ZNF503: variants seen among roughly 807,000 people sequenced by gnomAD.
ZNF503 encodes zinc finger protein 503.
ZNF503 carries 15 observed loss-of-function variants against 34.4 expected under a neutral mutation model. The ratio of observed to expected loss-of-function variants is 0.44; its 90% CI spans 0.29 to 0.67. ZNF503 has a LOEUF of 0.67. Among genes scored for constraint, ZNF503 ranks in the 30% least tolerant of loss-of-function variants. The pLI, the probability that ZNF503 is intolerant of heterozygous loss-of-function variation, is 0.13. For missense variants in ZNF503, 1,007 were observed against 926.8 expected (o/e 1.09, Z -1.12); for synonymous variants, 580 against 456.8 (o/e 1.27, Z -3.44).
the ZNF503 span, among the ~76,000 whole-genome samples, chr10:75,328,365 A>T: frequency 0.011 from 1,700 of 152,276 alleles, 34 homozygotes; most frequent in African/African-American, 0.039. Flanking sequence ...TTCCCCAGTG[A>T]GTGTTCTTGG....
the ZNF503 span, among the ~76,000 whole-genome samples, chr10:75,366,463 G>T: frequency 6.6e-6 from 1 of 152,206 alleles, no homozygotes; most frequent in African/African-American, 2.4e-5. Context: ...CTACCAAAAG[G>T]TAGGCGACCT....
At chr10:75,392,475 A>G in the ZNF503 span, among the ~76,000 whole-genome samples, 1 of 152,150 alleles carries the variant, frequency 6.6e-6, no homozygotes, top group Non-Finnish European at 1.5e-5. Flanking sequence ...GGCTTCCTGG[A>G]AGAGGAGATT....
the ZNF503 span, among the ~76,000 whole-genome samples, chr10:75,282,471 T>C: frequency 1.3e-5 from 2 of 152,212 alleles, no homozygotes; most frequent in Non-Finnish European, 2.9e-5. Context: ...TCTCAGTTCT[T>C]GAAGTCATCA....
At chr10:75,384,961 G>A in the ZNF503 span, among the ~76,000 whole-genome samples, 9 of 152,178 alleles carry the variant, frequency 5.9e-5, no homozygotes, top group Non-Finnish European at 1.3e-4. Context: ...ACACCTTTCT[G>A]TCCTTGGTGC....
At chr10:75,397,522 TCC>T, downstream of ZNF503, among the ~76,000 whole-genome samples, 1 of 152,106 alleles carries the variant, frequency 6.6e-6, no homozygotes, top group East Asian at 1.9e-4. Context: ...AAAAACCCTG[TCC>T]CCCGCCCCAC....
chr10:75,355,965 T>C, the ZNF503 span, among the ~76,000 whole-genome samples: 2 of 152,212 alleles, frequency 1.3e-5, no homozygotes, highest in Non-Finnish European at 2.9e-5. Context: ...TAGATGGGAC[T>C]CTGGGCCAGA....
chr10:75,343,831 A>G, the ZNF503 span, among the ~76,000 whole-genome samples: 1 of 152,170 alleles, frequency 6.6e-6, no homozygotes, highest in African/African-American at 2.4e-5. Context: ...TGAGCCCTGA[A>G]AGAAAACCCA....
At chr10:75,308,923 C>T in the ZNF503 span, among the ~76,000 whole-genome samples, 60 of 152,258 alleles carry the variant, frequency 3.9e-4, no homozygotes, top group Non-Finnish European at 7.2e-4. Flanking sequence ...CTTACTGCAA[C>T]CTCTGCTTCC....
the ZNF503 span, among the ~76,000 whole-genome samples, chr10:75,390,034 A>T: frequency 6.6e-6 from 1 of 151,972 alleles, no homozygotes; most frequent in Non-Finnish European, 1.5e-5. Flanking sequence ...CTGGGACTAC[A>T]GGCACCCCCC....
the ZNF503 span, among the ~76,000 whole-genome samples, chr10:75,335,000 C>A: frequency 1.3e-5 from 2 of 152,206 alleles, no homozygotes; most frequent in Admixed American, 6.5e-5. Flanking sequence ...TGATATGAGG[C>A]AATCCACCAT....
chr10:75,319,138 G>T, the ZNF503 span, among the ~76,000 whole-genome samples: 1 of 151,982 alleles, frequency 6.6e-6, no homozygotes, highest in African/African-American at 2.4e-5. Context: ...TTTTATTTTT[G>T]TATTCTTTGT....
chr10:75,302,792 C>T, the ZNF503 span, among the ~76,000 whole-genome samples: 2 of 152,328 alleles, frequency 1.3e-5, no homozygotes, highest in African/African-American at 4.8e-5. Flanking sequence ...TGACAGTACT[C>T]TAAACCAAGT....
the ZNF503 span, among the ~76,000 whole-genome samples, chr10:75,338,963 C>T: frequency 5.9e-5 from 9 of 152,190 alleles, no homozygotes; most frequent in African/African-American, 2.2e-4. Flanking sequence ...CACGGTGGCT[C>T]ATGCCTGTAA....
chr10:75,388,250 G>A, the ZNF503 span, among the ~76,000 whole-genome samples: 1 of 152,230 alleles, frequency 6.6e-6, no homozygotes, highest in African/African-American at 2.4e-5. Flanking sequence ...GGTAAATGGT[G>A]AACAAACAGC....
chr10:75,363,081 TAC>T, the ZNF503 span, among the ~76,000 whole-genome samples: 36,004 of 148,248 alleles, frequency 0.24, 4,314 homozygotes, highest in Middle Eastern at 0.29. Flanking sequence ...CATGCATGCA[TAC>T]ACACACACAC....
At chr10:75,384,424 A>C in the ZNF503 span, among the ~76,000 whole-genome samples, 1 of 152,112 alleles carries the variant, frequency 6.6e-6, no homozygotes, top group Non-Finnish European at 1.5e-5. Context: ...ACTCATAAAC[A>C]CATAGAGTGT....
chr10:75,327,719 G>A, the ZNF503 span, among the ~76,000 whole-genome samples: 21 of 152,092 alleles, frequency 1.4e-4, no homozygotes, highest in African/African-American at 4.1e-4. Context: ...TCCACTAACC[G>A]TGTGTAATAG....
At chr10:75,368,659 C>T in the ZNF503 span, among the ~76,000 whole-genome samples, 13 of 152,224 alleles carry the variant, frequency 8.5e-5, no homozygotes, top group Non-Finnish European at 5.9e-5. Context: ...TCATCCTCCA[C>T]AAACCCTCAT....
At chr10:75,400,850 T>C (rs1295484154) in intron 1 of ZNF503, 3 of 616,986 alleles carry the variant, frequency 4.9e-6, no homozygotes, top group African/African-American at 1.9e-5. Context: ...TGAAGGGGCC[T>C]GGGTCGGGGT....
Sources: allele counts gnomAD v4.1 joint callset (sites outside exome capture counted in the v4.1 genomes callset), GRCh38; gene constraint gnomAD v4.1.1; transcripts MANE v1.5; gene names NCBI Gene and HGNC (gene_info 2026-07-23, HGNC 2026-07-21).